Variants in RNFT2 observed in about 807,000 individuals in gnomAD.
The protein encoded by RNFT2 is E3 ubiquitin-protein ligase RNFT2.
In RNFT2, 36 loss-of-function variants were observed where a neutral mutation model predicts 53.0. That is an observed-to-expected ratio of 0.68 (90% CI 0.52 to 0.90). The LOEUF (loss-of-function observed/expected upper bound fraction) is 0.90. RNFT2 is among the 40% of genes least tolerant of loss of function. The pLI, the probability that RNFT2 is intolerant of heterozygous loss-of-function variation, is 0.00. For synonymous variants in RNFT2, 260 were observed against 253.2 expected (o/e 1.03, Z -0.26); for missense variants, 514 against 585.6 (o/e 0.88, Z 1.26).
At position 116,849,826 on chromosome 12, in the gene RNFT2, C is replaced by CTCCG. The variant is rs1877821609; in HGVS notation, c.*381_*382insGTCC. ...TCTCTCTCTCTGTTTCCCTCCCTCC[C>CTCCG]TCCTTCCTTCCTTCCTTCCTTTTTT... On this transcript the variant is annotated 3_prime_UTR_variant, in exon 11 of 11. Transcript: ENST00000257575. 12 of 150,820 alleles carry CTCCG rather than the reference C, an allele frequency of 8.0e-5. No individual in the cohort carries two copies. Among genetic ancestry groups the CTCCG allele is most frequent in the Non-Finnish European group, 1.1e-4 (11 of 96,418 alleles). The allele number at this position is 150,820 out of a possible 1,614,324, so 9.3% of individuals were successfully genotyped here. A position where few individuals can be genotyped will look rare whatever the true frequency, so the allele number is the denominator to read the frequency against.
intron 3 of RNFT2, among the ~76,000 whole-genome samples, chr12:116,743,552 G>A (rs528478369): frequency 5.3e-5 from 8 of 152,250 alleles, no homozygotes; most frequent in African/African-American, 1.9e-4. Flanking sequence ...ACAGGCATGA[G>A]CCACTGCACC....
intron 6 of RNFT2, among the ~76,000 whole-genome samples, chr12:116,768,734 C>T (rs1395922478): frequency 7.4e-5 from 11 of 148,490 alleles, no homozygotes; most frequent in African/African-American, 2.8e-4. Flanking sequence ...ATTTTTCTCT[C>T]TCTTTTTTTT....
intron 7 of RNFT2, among the ~76,000 whole-genome samples, chr12:116,788,747 A>C (rs1369817773): frequency 6.6e-6 from 1 of 152,140 alleles, no homozygotes; most frequent in African/African-American, 2.4e-5. Context: ...GAGTGGGTAG[A>C]TGGATGGGTG....
chr12:116,823,969 CA>C (rs1181784176), intron 7 of RNFT2, among the ~76,000 whole-genome samples: 1 of 152,142 alleles, frequency 6.6e-6, no homozygotes, highest in Non-Finnish European at 1.5e-5. Context: ...CAGGAAGAGA[CA>C]GAATCAGAAT....
chr12:116,768,790 G>A (rs2137101954), intron 6 of RNFT2, among the ~76,000 whole-genome samples: 1 of 150,718 alleles, frequency 6.6e-6, no homozygotes, highest in South Asian at 2.1e-4. Context: ...GAGTGCAGTG[G>A]TGTGATCTCG....
At chr12:116,784,895 C>CT (rs541032608) in intron 7 of RNFT2, among the ~76,000 whole-genome samples, 61 of 152,276 alleles carry the variant, frequency 4.0e-4, no homozygotes, top group African/African-American at 1.4e-3. Context: ...GAGCAGGACT[C>CT]TAAAAGAAAA....
chr12:116,792,815 G>A (rs112700871), intron 7 of RNFT2, among the ~76,000 whole-genome samples: 21 of 152,192 alleles, frequency 1.4e-4, no homozygotes, highest in Middle Eastern at 3.4e-3. Context: ...AATGGCTCAC[G>A]GCACAGATGC....
chr12:116,803,715 A>G (rs1036535157), intron 7 of RNFT2, among the ~76,000 whole-genome samples: 7 of 152,196 alleles, frequency 4.6e-5, no homozygotes, highest in Non-Finnish European at 1.0e-4. Context: ...ATCCCCCAGG[A>G]TGTTCTCATA....
intron 7 of RNFT2, among the ~76,000 whole-genome samples, chr12:116,816,869 G>A (rs1301988849): frequency 6.6e-6 from 1 of 152,170 alleles, no homozygotes; most frequent in African/African-American, 2.4e-5. Context: ...TTAAAAAGTA[G>A]AGAACTGCTA....
chr12:116,743,488 G>A (rs1057272636), intron 3 of RNFT2, among the ~76,000 whole-genome samples: 7 of 151,920 alleles, frequency 4.6e-5, no homozygotes, highest in African/African-American at 4.8e-5. Context: ...GGCTGGTCTC[G>A]AACTCCTGAG....
intron 3 of RNFT2, among the ~76,000 whole-genome samples, chr12:116,743,615 T>C (rs1377384653): frequency 6.6e-6 from 1 of 152,090 alleles, no homozygotes; most frequent in African/African-American, 2.4e-5. Flanking sequence ...CCTGGGGGCC[T>C]GTTCTCAGAT....
chr12:116,852,826 T>C lies in RNFT2; in HGVS notation c.*3378T>C, dbSNP rs956017618. On this transcript the variant is annotated 3_prime_UTR_variant, in exon 11 of 11. Transcript: ENST00000257575. ...CCATCTCCAGGGTGACGGAACCCAG[T>C]GTATTACCTGCTGGAACCAAGGAAA... 6.9e-5 allele frequency: 68 copies of C among 987,484 alleles called. No homozygotes were observed. In the African/African-American group the frequency reaches 8.7e-4, roughly 13 times the overall value. 61.2% of individuals were successfully genotyped at this position (987,484 alleles called of 1,614,324 possible). A position where few individuals can be genotyped will look rare whatever the true frequency, so the allele number is the denominator to read the frequency against.
intron 10 of RNFT2, among the ~76,000 whole-genome samples, chr12:116,843,528 A>C (rs1877459931): frequency 6.7e-6 from 1 of 150,176 alleles, no homozygotes; most frequent in Non-Finnish European, 1.5e-5. Flanking sequence ...CCAAGAAACA[A>C]ACAAACAAAA....
chr12:116,840,458 C>T (rs1158739073), intron 10 of RNFT2, among the ~76,000 whole-genome samples: 2 of 152,172 alleles, frequency 1.3e-5, no homozygotes, highest in Non-Finnish European at 1.5e-5. Context: ...TTGAGATGCC[C>T]CCAGGGCTGC....
intron 7 of RNFT2, among the ~76,000 whole-genome samples, chr12:116,832,788 C>T (rs1876744752): frequency 6.6e-6 from 1 of 151,986 alleles, no homozygotes; most frequent in African/African-American, 2.4e-5. Context: ...AAAGCAACCC[C>T]GTAAGGTGGG....
chr12:116,832,898 CTTTTTT>C (rs71095601), intron 7 of RNFT2, among the ~76,000 whole-genome samples: 4 of 84,766 alleles, frequency 4.7e-5, no homozygotes, highest in Non-Finnish European at 8.3e-5. Flanking sequence ...AAGTCGTGTT[CTTTTTT>C]TTTTTTTTTT....
rs575986921 is a variant in RNFT2, at chr12:116,798,777, T to C, written c.882+19429T>C. Among the ~76,000 whole-genome samples the C allele has an allele frequency of 5.6e-4, 85 of 152,222 alleles. 4 individuals carry two copies. In the South Asian group the frequency reaches 0.017, roughly 31 times the overall value. ...TTTTGGTAGAGACGGGGTTTCACCATGTTGCCCAGGCTGGGCTCGAACTCC... is the reference window on the plus strand; with the variant it reads ...TTTTGGTAGAGACGGGGTTTCACCACGTTGCCCAGGCTGGGCTCGAACTCC... On this transcript the variant is annotated intron_variant, in intron 7 of 10. Coordinates refer to ENST00000257575, the MANE Select transcript of RNFT2 (RefSeq NM_001382266.1).
intron 7 of RNFT2, among the ~76,000 whole-genome samples, chr12:116,799,184 C>G (rs1361746832): frequency 6.6e-6 from 1 of 152,188 alleles, no homozygotes; most frequent in African/African-American, 2.4e-5. Flanking sequence ...AGGTCACTCT[C>G]AGCTCCTAGA....
chr12:116,818,281 C>T (rs1438381059), intron 7 of RNFT2, among the ~76,000 whole-genome samples: 1 of 151,096 alleles, frequency 6.6e-6, no homozygotes, highest in African/African-American at 2.4e-5. Context: ...TGAGATCGCA[C>T]CACTGCACTC....
Sources: gnomAD v4.1 joint callset for allele counts (sites outside exome capture counted in the v4.1 genomes callset) on GRCh38, gnomAD v4.1.1 for gene constraint, MANE v1.5 for transcripts, NCBI Gene and HGNC (gene_info 2026-07-23, HGNC 2026-07-21) for gene names.